Variants in PTPRN2 observed in about 807,000 individuals in gnomAD.
The protein encoded by PTPRN2 is protein tyrosine phosphatase receptor type N2.
A neutral mutation model predicts 118.8 loss-of-function variants in PTPRN2; 74 were observed. The ratio of observed to expected loss-of-function variants is 0.62; its 90% CI spans 0.52 to 0.76. The LOEUF is 0.76. Among genes scored for constraint, PTPRN2 ranks in the 30% least tolerant of loss-of-function variants. The probability of loss-of-function intolerance (pLI) is 0.00; values close to 1 mark genes in which losing one functional copy is unlikely to be tolerated. For missense variants in PTPRN2, 1,481 were observed against 1,394.4 expected, an observed-to-expected ratio of 1.06 and a Z score of -0.99; for synonymous variants, 641 against 608.0, an observed-to-expected ratio of 1.05 and a Z score of -0.80.
At chr7:157,717,678 G>A (rs1798994871) in intron 12 of PTPRN2, among the ~76,000 whole-genome samples, 1 of 152,256 alleles carries the variant, frequency 6.6e-6, no homozygotes, top group Admixed American at 6.5e-5. Context: ...TCTTCACCAG[G>A]TATGGGCACC....
chr7:158,387,575 T>TGAAGCACTCTCTGGGTCC (rs61116708), intron 2 of PTPRN2, among the ~76,000 whole-genome samples: 3 of 150,830 alleles, frequency 2.0e-5, no homozygotes, highest in South Asian at 2.1e-4. Context: ...CCCTGTCAGC[T>TGAAGCACTCTCTGGGTCC]CAGCTTGGCC....
At chr7:158,485,241 C>G (rs548147594) in intron 2 of PTPRN2, among the ~76,000 whole-genome samples, 1 of 152,120 alleles carries the variant, frequency 6.6e-6, no homozygotes, top group African/African-American at 2.4e-5. Context: ...ACGGAGAGCG[C>G]GACTTGCTCC....
chr7:158,171,107 TATATATACACAC>T (rs1157617611), intron 5 of PTPRN2, among the ~76,000 whole-genome samples: 3,241 of 108,842 alleles, frequency 0.03, 368 homozygotes, highest in Middle Eastern at 0.041. Context: ...TATATACACA[TATATATACACAC>T]ATATATACAC....
At chr7:157,724,801 A>G (rs1799433882) in intron 12 of PTPRN2, among the ~76,000 whole-genome samples, 1 of 152,240 alleles carries the variant, frequency 6.6e-6, no homozygotes, top group South Asian at 2.1e-4. Context: ...GAGAAATACT[A>G]AGTCCAACCA....
At chr7:158,388,326 C>A (rs751929746) in intron 2 of PTPRN2, among the ~76,000 whole-genome samples, 2 of 152,330 alleles carry the variant, frequency 1.3e-5, no homozygotes, top group Non-Finnish European at 1.5e-5. Context: ...AGACCACCCC[C>A]CCATGAGGGC....
chr7:158,314,648 C>T (rs1232698400), intron 3 of PTPRN2, among the ~76,000 whole-genome samples: 2 of 149,734 alleles, frequency 1.3e-5, no homozygotes, highest in Non-Finnish European at 3.0e-5. Context: ...AGGGAGCTGC[C>T]CGGCGCCCTG....
intron 12 of PTPRN2, among the ~76,000 whole-genome samples, chr7:157,706,650 T>C (rs1435341454): frequency 6.6e-6 from 1 of 151,300 alleles, no homozygotes; most frequent in African/African-American, 2.4e-5. Context: ...CCTTCCAGAA[T>C]GCTGGGAATT....
At chr7:158,271,883 T>C (rs1044139960) in intron 3 of PTPRN2, among the ~76,000 whole-genome samples, 1 of 151,638 alleles carries the variant, frequency 6.6e-6, no homozygotes, top group African/African-American at 2.4e-5. Context: ...CCTAACACCA[T>C]GGCCTTGGGT....
intron 12 of PTPRN2, among the ~76,000 whole-genome samples, chr7:157,720,724 G>A (rs35160533): frequency 0.21 from 31,597 of 152,176 alleles, 3,985 homozygotes; most frequent in Non-Finnish European, 0.29. Context: ...AATGGTGAGC[G>A]TGCCTCACTC....
chr7:158,487,556 A>G (rs1463477660), intron 2 of PTPRN2, among the ~76,000 whole-genome samples: 2 of 152,224 alleles, frequency 1.3e-5, no homozygotes, highest in South Asian at 2.1e-4. Flanking sequence ...CAAGCTTGAT[A>G]AGATTATATA....
At chr7:158,165,941 T>C (rs1276190513) in intron 6 of PTPRN2, among the ~76,000 whole-genome samples, 1 of 152,074 alleles carries the variant, frequency 6.6e-6, no homozygotes, top group Admixed American at 6.5e-5. Flanking sequence ...GTGAGCAGCA[T>C]GAAATCCAGA....
Position 158,171,282 on chromosome 7 carries a change from T to TATATACACACATATATACACAC in PTPRN2, c.550-3992_550-3991insGTGTGTATATATGTGTGTATAT, listed in dbSNP as rs1563555395. Among the ~76,000 whole-genome samples the TATATACACACATATATACACAC allele has an allele frequency of 2.1e-4, 4 of 19,290 alleles. 1 individual carries two copies. Among genetic ancestry groups the TATATACACACATATATACACAC allele is most frequent in the African/African-American group, 7.9e-4 (4 of 5,036 alleles). 12.7% of individuals were successfully genotyped at this position (19,290 alleles called of 152,430 possible). On this transcript the variant is annotated intron_variant, in intron 5 of 22. Coordinates refer to ENST00000389418, the MANE Select transcript of PTPRN2 (RefSeq NM_002847.5). ...ATATATACACACATATATACACACA[T>TATATACACACATATATACACAC]ATATATACACACATATATATACACA...
At chr7:158,010,771 TACAC>T (rs941310211) in intron 11 of PTPRN2, among the ~76,000 whole-genome samples, 16 of 152,238 alleles carry the variant, frequency 1.1e-4, no homozygotes, top group Non-Finnish European at 4.4e-5. Flanking sequence ...TCTGCTGCCT[TACAC>T]ACAGTAAACA....
Position 158,093,156 on chromosome 7 carries a change from A to AC in PTPRN2, c.1644-11780dup, listed in dbSNP as rs1211683241. On this transcript the variant is annotated intron_variant, in intron 10 of 22. Coordinates refer to ENST00000389418, the MANE Select transcript of PTPRN2 (RefSeq NM_002847.5). This position sits in a 1 kb window ranked among gnomAD's most constrained non-coding sequence, Gnocchi z 4.4. ...CTTTCCTGACTCTGCCGCTGGACCGACCCCCACACCATAGACCCACACGCA... is the reference window on the plus strand; with the variant it reads ...CTTTCCTGACTCTGCCGCTGGACCGACCCCCCACACCATAGACCCACACGCA... Among the ~76,000 whole-genome samples the AC allele has an allele frequency of 6.8e-6, 1 of 146,982 alleles. No individual in the cohort carries two copies. Among genetic ancestry groups the AC allele is most frequent in the African/African-American group, 2.6e-5 (1 of 38,108 alleles).
At chr7:158,181,002 A>T (rs895356235) in intron 5 of PTPRN2, among the ~76,000 whole-genome samples, 1 of 152,152 alleles carries the variant, frequency 6.6e-6, no homozygotes, top group Non-Finnish European at 1.5e-5. Context: ...GAGAGTGGGC[A>T]TCCTTGTCTT....
At chr7:157,644,812 A>G (rs1433662707) in intron 14 of PTPRN2, among the ~76,000 whole-genome samples, 5 of 133,138 alleles carry the variant, frequency 3.8e-5, no homozygotes, top group Non-Finnish European at 6.9e-5. Context: ...CAAAAAAAAA[A>G]AAACAAAAAA....
intron 2 of PTPRN2, among the ~76,000 whole-genome samples, chr7:158,333,887 TA>T (rs1340167748): frequency 7.0e-6 from 1 of 142,116 alleles, no homozygotes; most frequent in Admixed American, 7.1e-5. Flanking sequence ...ACTCTCACCA[TA>T]AGAGCTGACA....
At chr7:157,965,995 C>T (rs962671957) in intron 11 of PTPRN2, among the ~76,000 whole-genome samples, 1 of 152,214 alleles carries the variant, frequency 6.6e-6, no homozygotes, top group African/African-American at 2.4e-5. Flanking sequence ...ACTGGAATCC[C>T]AGTTTCACAG....
intron 10 of PTPRN2, among the ~76,000 whole-genome samples, chr7:158,102,961 A>G (rs1009998640): frequency 6.6e-6 from 1 of 152,192 alleles, no homozygotes; most frequent in African/African-American, 2.4e-5. Flanking sequence ...AGTCCTAGAC[A>G]GGGAGCCTGA....
Sources: gnomAD v4.1 joint callset for allele counts (sites outside exome capture counted in the v4.1 genomes callset) on GRCh38, gnomAD v4.1.1 for gene constraint, Gnocchi (gnomAD v3.1) non-coding constraint, MANE v1.5 for transcripts, NCBI Gene and HGNC (gene_info 2026-07-23, HGNC 2026-07-21) for gene names.